PLCH1: variants seen among roughly 807,000 people sequenced by gnomAD.
PLCH1 encodes the protein 1-phosphatidylinositol 4,5-bisphosphate phosphodiesterase eta-1.
PLCH1 carries 60 observed loss-of-function variants against 126.7 expected under a neutral mutation model. The ratio of observed to expected loss-of-function variants is 0.47; its 90% CI spans 0.38 to 0.59. The LOEUF (loss-of-function observed/expected upper bound fraction) is 0.59. Ranked by LOEUF, PLCH1 falls within the 20% of genes least tolerant of loss-of-function variation. The pLI, the probability that PLCH1 is intolerant of heterozygous loss-of-function variation, is 0.00. For synonymous variants in PLCH1, 719 were observed against 734.9 expected, an observed-to-expected ratio of 0.98 and a Z score of 0.35; for missense variants, 1,723 against 2,040.0, an observed-to-expected ratio of 0.84 and a Z score of 2.99.
intron 2 of PLCH1, among the ~76,000 whole-genome samples, chr3:155,645,248 CAG>C (rs373220013): frequency 1.3e-5 from 2 of 152,184 alleles, no homozygotes; most frequent in Non-Finnish European, 2.9e-5. Flanking sequence ...GCCCAGGCTA[CAG>C]CACTGTGGCT....
chr3:155,576,715 G>A (rs1022772479), intron 6 of PLCH1, among the ~76,000 whole-genome samples: 3 of 152,134 alleles, frequency 2.0e-5, no homozygotes, highest in African/African-American at 4.8e-5. Context: ...TTGTGCCATT[G>A]TGAAAATCCA....
intron 2 of PLCH1, among the ~76,000 whole-genome samples, chr3:155,683,578 T>C (rs193205248): frequency 1.3e-5 from 2 of 152,296 alleles, no homozygotes; most frequent in East Asian, 1.9e-4. Flanking sequence ...TTGGGTGCCA[T>C]GAACTCATAT....
At chr3:155,711,075 T>C (rs2109104593) in intron 1 of PLCH1, among the ~76,000 whole-genome samples, 1 of 151,888 alleles carries the variant, frequency 6.6e-6, no homozygotes, top group African/African-American at 2.4e-5. Flanking sequence ...CAAATATACT[T>C]CTACAGAACA....
intron 2 of PLCH1, among the ~76,000 whole-genome samples, chr3:155,670,792 C>T (rs1743340804): frequency 6.6e-6 from 1 of 152,202 alleles, no homozygotes; most frequent in African/African-American, 2.4e-5. Flanking sequence ...CCAGCACAAA[C>T]TCCTCAGGGA....
intron 21 of PLCH1, among the ~76,000 whole-genome samples, chr3:155,464,429 A>C (rs568469686): frequency 2.0e-5 from 3 of 151,974 alleles, no homozygotes; most frequent in Non-Finnish European, 4.4e-5. Flanking sequence ...GCTGCAGGCA[A>C]CTCCCCCAGC....
Position 155,517,993 on chromosome 3 carries a change from T to C in PLCH1, c.1471-3109A>G, listed in dbSNP as rs370792920. Among the ~76,000 whole-genome samples, 186 of 152,326 alleles carry C rather than the reference T, an allele frequency of 1.2e-3. No individual in the cohort carries two copies. The South Asian group carries it at 0.016, about 13-fold the overall frequency. On this transcript the variant is annotated intron_variant, in intron 11 of 22. Transcript: ENST00000460012. Reference sequence around the variant, plus strand: ...TGGGAGATACATCAAAAAATCCTCATTGGATGCTGAAAACCATGGATAGTC... The same window carrying C: ...TGGGAGATACATCAAAAAATCCTCACTGGATGCTGAAAACCATGGATAGTC...
At chr3:155,486,177 A>G in intron 21 of PLCH1, 13 of 1,547,582 alleles carry the variant, frequency 8.4e-6, no homozygotes, top group Non-Finnish European at 1.0e-5. Context: ...GCAATATAGT[A>G]TAACTGGGGT....
intron 10 of PLCH1, among the ~76,000 whole-genome samples, chr3:155,536,955 T>C (rs1040466643): frequency 6.6e-6 from 1 of 152,056 alleles, no homozygotes; most frequent in African/African-American, 2.4e-5. Context: ...AAGAAAAACC[T>C]ATAAGATTAA....
At chr3:155,504,348 C>A (rs1391134932) in intron 13 of PLCH1, among the ~76,000 whole-genome samples, 1 of 152,094 alleles carries the variant, frequency 6.6e-6, no homozygotes, top group East Asian at 1.9e-4. Context: ...TCAAAATATT[C>A]TTTCCCAGTA....
intron 15 of PLCH1, 122 bp downstream of exon 15, chr3:155,497,198 G>C: frequency 6.1e-6 from 4 of 653,932 alleles, no homozygotes; most frequent in Middle Eastern, 2.8e-4. Context: ...CACTCAAATT[G>C]GTTTCTACAT....
chr3:155,625,709 A>T (rs1737154781), intron 2 of PLCH1, among the ~76,000 whole-genome samples: 1 of 152,224 alleles, frequency 6.6e-6, no homozygotes, highest in Non-Finnish European at 1.5e-5. Context: ...GGCGATCATT[A>T]AAAAACAGAT....
chr3:155,520,028 C>T (rs1720878559), intron 11 of PLCH1, among the ~76,000 whole-genome samples: 1 of 152,170 alleles, frequency 6.6e-6, no homozygotes, highest in African/African-American at 2.4e-5. Flanking sequence ...CTTTAGCTCA[C>T]TTAACAACAT....
chr3:155,557,313 G>T (rs1343977092), intron 8 of PLCH1, among the ~76,000 whole-genome samples: 1 of 152,180 alleles, frequency 6.6e-6, no homozygotes, highest in Non-Finnish European at 1.5e-5. Flanking sequence ...GGAGAAGAAA[G>T]AGCATAACAG....
intron 12 of PLCH1, among the ~76,000 whole-genome samples, chr3:155,506,705 G>C (rs1718811043): frequency 6.8e-6 from 1 of 147,570 alleles, no homozygotes; most frequent in Non-Finnish European, 1.5e-5. Context: ...TGGCTGCATA[G>C]TATTCCATGG....
chr3:155,456,237 G>A (rs1712438129), intron 21 of PLCH1, among the ~76,000 whole-genome samples: 1 of 151,564 alleles, frequency 6.6e-6, no homozygotes, highest in Admixed American at 6.6e-5. Flanking sequence ...TTTAAATAGG[G>A]GTGTCCAATC....
At chr3:155,708,288 G>T (rs1746837258) in intron 1 of PLCH1, among the ~76,000 whole-genome samples, 1 of 152,196 alleles carries the variant, frequency 6.6e-6, no homozygotes, top group South Asian at 2.1e-4. Flanking sequence ...GAGTTAGTAG[G>T]CCTGGGGCAA....
chr3:155,570,258 TATA>T (rs748504026), intron 6 of PLCH1, among the ~76,000 whole-genome samples: 9 of 152,194 alleles, frequency 5.9e-5, no homozygotes, highest in Non-Finnish European at 1.2e-4. Flanking sequence ...TCATTTAAGT[TATA>T]AGTTTATTGT....
At chr3:155,535,967 T>G (rs1576939246) in intron 10 of PLCH1, among the ~76,000 whole-genome samples, 1 of 152,324 alleles carries the variant, frequency 6.6e-6, no homozygotes, top group East Asian at 1.9e-4. Flanking sequence ...TCTCCATGGC[T>G]GAGAGACCTG....
intron 2 of PLCH1, among the ~76,000 whole-genome samples, chr3:155,663,144 G>A (rs1245692057): frequency 6.6e-6 from 1 of 152,140 alleles, no homozygotes. Context: ...CACTGTCCCT[G>A]TTATGTAAAT....
Sources: allele counts gnomAD v4.1 joint callset (sites outside exome capture counted in the v4.1 genomes callset), GRCh38; gene constraint gnomAD v4.1.1; transcripts MANE v1.5; gene names NCBI Gene and HGNC (gene_info 2026-07-23, HGNC 2026-07-21).